KLHDC4: variants seen among roughly 807,000 people sequenced by gnomAD.
The protein encoded by KLHDC4 is kelch domain containing 4, also known as kelch domain-containing protein 4.
KLHDC4 carries 90 observed loss-of-function variants against 62.4 expected under a neutral mutation model. The observed-to-expected ratio is 1.44, with a 90% confidence interval of 1.22 to 1.72. The LOEUF (loss-of-function observed/expected upper bound fraction) is 1.72, where lower values mean the gene tolerates loss of function less well. Ranked by LOEUF, KLHDC4 falls within the 40% of genes most tolerant of loss-of-function variation. KLHDC4 has a pLI of 0.00. For synonymous variants in KLHDC4, 386 were observed against 284.4 expected (o/e 1.36, Z -3.59); for missense variants, 1,025 against 699.7 (o/e 1.47, Z -5.25).
chr16:87,761,464 T>TA (rs1353249350), intron 2 of KLHDC4, among the ~76,000 whole-genome samples: 1 of 152,246 alleles, frequency 6.6e-6, no homozygotes, highest in Admixed American at 6.5e-5. Flanking sequence ...CCCACACGTG[T>TA]ATGAAATCCT....
At chr16:87,699,278 T>C (rs2034032293) in exon 1 of KLHDC4, 1 of 152,300 alleles carries the variant, frequency 6.6e-6, no homozygotes, top group Non-Finnish European at 1.5e-5. Context: ...TTTCGGGAAC[T>C]GAAACAGTCT....
chr16:87,722,286 G>C (rs1056250485), intron 7 of KLHDC4, among the ~76,000 whole-genome samples: 2 of 152,218 alleles, frequency 1.3e-5, no homozygotes, highest in African/African-American at 4.8e-5. Flanking sequence ...AGCCTGGAGG[G>C]TGTTTAAAGT....
intron 5 of KLHDC4, among the ~76,000 whole-genome samples, chr16:87,745,173 G>A (rs2143019723): frequency 6.6e-6 from 1 of 152,290 alleles, no homozygotes; most frequent in African/African-American, 2.4e-5. Flanking sequence ...ACTGAGCGGT[G>A]GGGGCATGTT....
downstream of KLHDC4, among the ~76,000 whole-genome samples, chr16:87,707,235 G>A (rs376124039): frequency 9.2e-5 from 14 of 152,372 alleles, no homozygotes; most frequent in East Asian, 3.9e-4. Context: ...AGGCCGCAGC[G>A]CTGAAGCCAG....
Position 87,756,147 on chromosome 16 carries a change from AAG to A in KLHDC4, c.270+250_270+251del, listed in dbSNP as rs1597380123. The A allele has an allele frequency of 1.2e-5, 4 of 345,932 alleles. No homozygotes were observed. The East Asian group carries it at 1.8e-4, about 16-fold the overall frequency. 21.4% of individuals were successfully genotyped at this position (345,932 alleles called of 1,614,324 possible). ...AACCACAAAGAGGGGTGCGCCCGCCAAGAGTGATGACGGCAGAGCTGGGCCTC... is the reference window on the plus strand; with the variant it reads ...AACCACAAAGAGGGGTGCGCCCGCCAAGTGATGACGGCAGAGCTGGGCCTC... On this transcript the variant is annotated intron_variant, in intron 3 of 11. Coordinates refer to ENST00000270583, the MANE Select transcript of KLHDC4 (RefSeq NM_017566.4).
intron 9 of KLHDC4, chr16:87,710,116 G>A (rs866053077): frequency 5.5e-5 from 9 of 164,260 alleles, no homozygotes; most frequent in Non-Finnish European, 1.2e-4. Context: ...AGGCCCACAA[G>A]CCCAGCTCAT....
chr16:87,746,492 C>T (rs772425254), intron 5 of KLHDC4, among the ~76,000 whole-genome samples: 1 of 152,210 alleles, frequency 6.6e-6, no homozygotes, highest in Non-Finnish European at 1.5e-5. Flanking sequence ...ATCAGACGCA[C>T]ACTCCACACG....
intron 7 of KLHDC4, 71 bp downstream of exon 7, chr16:87,726,694 C>T (rs1382858933): frequency 1.7e-6 from 2 of 1,148,620 alleles, no homozygotes; most frequent in Non-Finnish European, 2.2e-6. Context: ...GCGCCTCGCC[C>T]GTCTCCCCAC....
Position 87,711,311 on chromosome 16 carries a change from C to T in KLHDC4, c.968G>A (p.Ser323Asn). 1.2e-6 allele frequency: 2 copies of T among 1,614,114 alleles called. No individual in the cohort carries two copies. The highest frequency in any genetic ancestry group is 1.1e-5 in the South Asian group (1 of 91,084). Residue 323 changes from serine (S) to asparagine (N), a missense_variant, in exon 9 of 12, where the codon AGC becomes AAC. Transcript: ENST00000270583. ...ATCGTTGAAGAACTCGCCCGACAGG[C>T]TCTCCTCCTCTTCCTCGTCACAGAC... Reference protein sequence around the residue: ...GGVCDEEEEESLSGEFFNDLY... With the variant: ...GGVCDEEEEENLSGEFFNDLY...
At chr16:87,727,171 G>C (rs1294806207) in intron 6 of KLHDC4, among the ~76,000 whole-genome samples, 6 of 98,662 alleles carry the variant, frequency 6.1e-5, no homozygotes, top group African/African-American at 2.3e-4. Flanking sequence ...CCTGGAGACA[G>C]GGCAACATTT....
rs375694868 is a variant in KLHDC4 at position 87,761,969 on chromosome 16, C to T, written c.171G>A (p.Pro57=). ...CTCACCTTGGTGAGGGTGGGGGGCA[C>T]GGAAGTTCCACAGTCTGAGTCCTCT... ...DAKRTQTVEL[P]CPPPSPRLNA... The change falls in exon 2 of 12, where the codon CCG becomes CCA. Residue 57 remains proline, a synonymous_variant. Coordinates refer to ENST00000270583, the MANE Select transcript of KLHDC4 (RefSeq NM_017566.4). The T allele has an allele frequency of 7.1e-5, 115 of 1,613,698 alleles. No homozygotes were observed. The highest frequency in any genetic ancestry group is 2.7e-4 in the African/African-American group (20 of 74,986).
downstream of KLHDC4, among the ~76,000 whole-genome samples, chr16:87,705,977 C>T (rs551818983): frequency 8.8e-4 from 134 of 151,964 alleles, no homozygotes; most frequent in Non-Finnish European, 1.5e-3. Context: ...TGTGCGGGGT[C>T]GGTGCAACAC....
chr16:87,765,109 G>C (rs141539695), intron 1 of KLHDC4: 1 of 456,000 alleles, frequency 2.2e-6, no homozygotes, highest in African/African-American at 2.0e-5. Context: ...CCTGGCGCAC[G>C]GCAGGCCATA....
At chr16:87,720,547 G>A (rs533654710) in intron 7 of KLHDC4, among the ~76,000 whole-genome samples, 11 of 116,658 alleles carry the variant, frequency 9.4e-5, no homozygotes, top group Admixed American at 6.0e-4. Flanking sequence ...GAGACGCCGC[G>A]CCCCTGGGGA....
intron 4 of KLHDC4, among the ~76,000 whole-genome samples, chr16:87,751,384 G>C (rs556058681): frequency 1.4e-3 from 208 of 151,954 alleles, no homozygotes; most frequent in South Asian, 3.9e-3. Flanking sequence ...TGAGGCAGGA[G>C]AATCGCTTGA....
intron 4 of KLHDC4, among the ~76,000 whole-genome samples, chr16:87,754,688 G>A (rs908033790): frequency 1.2e-4 from 19 of 152,302 alleles, no homozygotes; most frequent in Admixed American, 1.0e-3. Context: ...CTTACAGAAC[G>A]TCTAACTCCG....
intron 5 of KLHDC4, among the ~76,000 whole-genome samples, chr16:87,731,978 C>T (rs888371627): frequency 3.3e-5 from 5 of 152,192 alleles, no homozygotes; most frequent in Non-Finnish European, 7.3e-5. Flanking sequence ...AGGTGAGATC[C>T]GTCTTCGGCC....
At chr16:87,716,346 C>T (rs62055568) in intron 7 of KLHDC4, among the ~76,000 whole-genome samples, 29,541 of 146,626 alleles carry the variant, frequency 0.2, 3,163 homozygotes, top group African/African-American at 0.3. Flanking sequence ...GACGTAGACT[C>T]TGGGTACGCG....
chr16:87,755,130 C>A (rs1030533174), intron 4 of KLHDC4, 64 bp downstream of exon 4: 3 of 1,124,512 alleles, frequency 2.7e-6, no homozygotes, highest in Non-Finnish European at 4.0e-6. Context: ...ATCAACTCTC[C>A]GTGTGTCTAC....
Sources: gnomAD v4.1 joint callset for allele counts (sites outside exome capture counted in the v4.1 genomes callset) on GRCh38, gnomAD v4.1.1 for gene constraint, MANE v1.5 for transcripts, NCBI Gene and HGNC (gene_info 2026-07-23, HGNC 2026-07-21) for gene names.